Variants in ARHGEF6 observed in about 807,000 individuals in gnomAD.
ARHGEF6 encodes the protein Rac/Cdc42 guanine nucleotide exchange factor 6, also known as rho guanine nucleotide exchange factor 6.
ARHGEF6 carries 9 observed loss-of-function variants against 70.3 expected under a neutral mutation model. The observed-to-expected ratio is 0.13, with a 90% CI of 0.08 to 0.22. The LOEUF is 0.22. Among genes scored for constraint, ARHGEF6 ranks in the 10% least tolerant of loss-of-function variants. ARHGEF6 has a pLI of 1.00. For synonymous variants in ARHGEF6, 201 were observed against 207.8 expected (o/e 0.97, Z 0.28); for missense variants, 470 against 563.0 (o/e 0.83, Z 1.67).
intron 11 of ARHGEF6, among the ~76,000 whole-genome samples, chrX:136,686,134 A>G (rs2076383393): frequency 8.9e-6 from 1 of 112,435 alleles, no homozygotes; most frequent in Non-Finnish European, 1.9e-5. Flanking sequence ...GCCAAATCAC[A>G]CTGACCAGAG....
intron 9 of ARHGEF6, among the ~76,000 whole-genome samples, chrX:136,704,234 G>A (rs967386684): frequency 8.9e-6 from 1 of 112,027 alleles, no homozygotes; most frequent in African/African-American, 3.2e-5. Context: ...TTTTTAGAGG[G>A]GAGTAATAAA....
chrX:136,752,141 G>T (rs1241119327), intron 2 of ARHGEF6, among the ~76,000 whole-genome samples: 1 of 112,440 alleles, frequency 8.9e-6, no homozygotes, highest in African/African-American at 3.2e-5. Flanking sequence ...GTCAATACAA[G>T]TAGCATCTGT....
intron 2 of ARHGEF6, among the ~76,000 whole-genome samples, chrX:136,765,551 A>C (rs966761075): frequency 8.9e-6 from 1 of 112,535 alleles, no homozygotes; most frequent in Non-Finnish European, 1.9e-5. Context: ...GAACAGCGCC[A>C]GCCCTGCACA....
chrX:136,685,551 G>T lies in ARHGEF6; in HGVS notation c.1392+126C>A, dbSNP rs780898716. 3 of 780,630 alleles carry T rather than the reference G, an allele frequency of 3.8e-6. No homozygotes were observed. In the South Asian group the frequency reaches 7.2e-5, roughly 19 times the overall value. 64.3% of individuals were successfully genotyped at this position (780,630 alleles called of 1,213,427 possible). On this transcript the variant is annotated intron_variant, in intron 12 of 21. Coordinates refer to ENST00000250617, the MANE Select transcript of ARHGEF6 (RefSeq NM_004840.3). ...GAACCCAGGAGGCAGAGGTTGCAGT[G>T]AGCCAAGATGGCACCACTGCACTCC...
chrX:136,736,618 G>GGTGTGTGT (rs1556295145), intron 5 of ARHGEF6, among the ~76,000 whole-genome samples: 2 of 103,708 alleles, frequency 1.9e-5, no homozygotes, highest in African/African-American at 3.5e-5. Flanking sequence ...GTTAAAAAGA[G>GGTGTGTGT]GTGTGTGTGT....
rs193074534 is a variant in ARHGEF6 at position 136,759,274 on chromosome X, T to C, written c.250-11682A>G. Among the ~76,000 whole-genome samples the C allele has an allele frequency of 3.6e-5, 4 of 112,164 alleles. No homozygotes were observed. The East Asian group carries it at 1.1e-3, about 31-fold the overall frequency. ...GCTGGAGACCTCCTCATGAAGAACATACAAATTAGTGTTCAGGCCTGCTTC... is the reference window on the plus strand; with the variant it reads ...GCTGGAGACCTCCTCATGAAGAACACACAAATTAGTGTTCAGGCCTGCTTC... On this transcript the variant is annotated intron_variant, in intron 2 of 21. Coordinates refer to ENST00000250617, the MANE Select transcript of ARHGEF6 (RefSeq NM_004840.3).
At position 136,667,107 on chromosome X, in the gene ARHGEF6, T is replaced by A. The variant is rs972633425; in HGVS notation, c.*922A>T. 8.9e-6 allele frequency: 1 copy of A among 112,661 alleles called. No homozygotes were observed. The highest frequency in any genetic ancestry group is 1.9e-5 in the Non-Finnish European group (1 of 53,320). The allele number at this position is 112,661 out of a possible 1,213,427, so 9.3% of individuals were successfully genotyped here. ...TCCTCACAGTCTAACTACATTTTTT[T>A]AAAAAGTAAGCAAAGCACATACATA... On this transcript the variant is annotated 3_prime_UTR_variant, in exon 22 of 22. Coordinates refer to ENST00000250617, the MANE Select transcript of ARHGEF6 (RefSeq NM_004840.3).
chrX:136,679,525 G>C lies in ARHGEF6; in HGVS notation c.1830+10C>G. 8.3e-7 allele frequency: 1 copy of C among 1,210,456 alleles called. No individual in the cohort carries two copies. The highest frequency in any genetic ancestry group is 1.7e-5 in the African/African-American group (1 of 57,826). On this transcript the variant is annotated intron_variant, in intron 16 of 21. Transcript: ENST00000250617. ...TCAGAAGCATTTTATACCATAGGTA[G>C]CAAAATTACCTCTTTATAACCTAGT... is the stretch of plus-strand genomic sequence containing the variant.
chrX:136,675,675 C>A (rs1267333623), intron 18 of ARHGEF6, among the ~76,000 whole-genome samples: 4 of 109,781 alleles, frequency 3.6e-5, no homozygotes, highest in Admixed American at 2.9e-4. Flanking sequence ...GCCACCACAC[C>A]CGGCTAATTT....
In ARHGEF6 at chrX:136,727,415, T is replaced by TCTCTCTCTCTC. The variant is rs1569411130; in HGVS notation, c.732+4686_732+4687insGAGAGAGAGAG. ...TTTCTTTCTCTCTCTCTCTCTCTCTTTCTTTCTTTCTTTCCTTCTTTCTTT... is the reference window on the plus strand; with the variant it reads ...TTTCTTTCTCTCTCTCTCTCTCTCTTCTCTCTCTCTCTCTTTCTTTCTTTCCTTCTTTCTTT... On this transcript the variant is annotated intron_variant, in intron 6 of 21. Coordinates refer to ENST00000250617, the MANE Select transcript of ARHGEF6 (RefSeq NM_004840.3). Among the ~76,000 whole-genome samples the TCTCTCTCTCTC allele has an allele frequency of 1.7e-4, 13 of 78,709 alleles. 1 individual carries two copies. In the Admixed American group the frequency reaches 2.4e-3, roughly 14 times the overall value. 68.3% of individuals were successfully genotyped at this position (78,709 alleles called of 115,157 possible). A position where few individuals can be genotyped will look rare whatever the true frequency, so the allele number is the denominator to read the frequency against.
rs112125350 is a variant in ARHGEF6 at position 136,707,038 on chromosome X, C to T, written c.924-8G>A. Reference sequence around the variant, plus strand: ...TGCTGGTTTTCTGGAAACCTGTAAACAAAATGGACAAAACACAGAATGTAA... The same window carrying T: ...TGCTGGTTTTCTGGAAACCTGTAAATAAAATGGACAAAACACAGAATGTAA... On this transcript the variant is annotated splice_polypyrimidine_tract_variant and splice_region_variant and intron_variant, in intron 8 of 21. Coordinates refer to ENST00000250617, the MANE Select transcript of ARHGEF6 (RefSeq NM_004840.3). 2.6e-5 allele frequency: 31 copies of T among 1,208,112 alleles called. No individual in the cohort carries two copies. In the African/African-American group the frequency reaches 4.2e-4, roughly 16 times the overall value.
chrX:136,710,221 T>C (rs2076669994), intron 7 of ARHGEF6, among the ~76,000 whole-genome samples: 1 of 106,005 alleles, frequency 9.4e-6, no homozygotes, highest in African/African-American at 3.4e-5. Context: ...GGAGAATCGC[T>C]TGAACCTGGG....
chrX:136,776,270 AC>A lies in ARHGEF6; in HGVS notation c.249+3143del, dbSNP rs754662544. 3.6e-5 allele frequency among the ~76,000 whole-genome samples: 4 copies of A among 112,187 alleles called. No homozygotes were observed. The South Asian group carries it at 1.5e-3, about 41-fold the overall frequency. On this transcript the variant is annotated intron_variant, in intron 2 of 21. Transcript: ENST00000250617. ...CAAAAAGAACAAATCTAGAGGCATCACATTACCCGACTTCAAACTATACTAC... is the reference window on the plus strand; with the variant it reads ...CAAAAAGAACAAATCTAGAGGCATCAATTACCCGACTTCAAACTATACTAC...
In ARHGEF6 at chrX:136,700,887, A is replaced by G. The variant is rs138755926; in HGVS notation, c.1046+6021T>C. Among the ~76,000 whole-genome samples, 757 of 112,513 alleles carry G rather than the reference A, an allele frequency of 6.7e-3. 9 individuals carry two copies. Among genetic ancestry groups the G allele is most frequent in the African/African-American group, 0.023 (723 of 31,000 alleles). ...AAGGTTCTAACAGATAAAGATAGAC[A>G]ACATGTAATAAAAGATGGGTAATGT... is the stretch of plus-strand genomic sequence containing the variant. On this transcript the variant is annotated intron_variant, in intron 9 of 21. Coordinates refer to ENST00000250617, the MANE Select transcript of ARHGEF6 (RefSeq NM_004840.3).
At chrX:136,758,068 T>TTTTTTTTTTGA in intron 2 of ARHGEF6, among the ~76,000 whole-genome samples, 1 of 88,332 alleles carries the variant, frequency 1.1e-5, no homozygotes, top group Non-Finnish European at 2.2e-5. Context: ...TTTTTTTTTT[T>TTTTTTTTTTGA]GGGACGGAGT....
intron 5 of ARHGEF6, among the ~76,000 whole-genome samples, chrX:136,734,046 G>C (rs1159175132): frequency 8.9e-6 from 1 of 112,167 alleles, no homozygotes; most frequent in Non-Finnish European, 1.9e-5. Context: ...TTCTTTTCAG[G>C]GAAGATTTCA....
chrX:136,686,625 C>CATATAT (rs796276387), intron 11 of ARHGEF6, among the ~76,000 whole-genome samples: 9 of 54,986 alleles, frequency 1.6e-4, no homozygotes, highest in African/African-American at 4.8e-4. Flanking sequence ...TATATATACA[C>CATATAT]ATATATATAT....
At position 136,713,578 on chromosome X, in the gene ARHGEF6, A is replaced by T. The variant is rs1185656674; in HGVS notation, c.733-208T>A. On this transcript the variant is annotated intron_variant, in intron 6 of 21. Coordinates refer to ENST00000250617, the MANE Select transcript of ARHGEF6 (RefSeq NM_004840.3). ...GCATGACAACTGGTTATATTGCACA[A>T]TTCATATGAATACAATTTTTCAGTT... Among the ~76,000 whole-genome samples, 7 of 112,214 alleles carry T rather than the reference A, an allele frequency of 6.2e-5. No individual in the cohort carries two copies. The East Asian group carries it at 1.9e-3, about 31-fold the overall frequency.
At position 136,667,814 on chromosome X, in the gene ARHGEF6, C is replaced by G. The variant is rs939390728; in HGVS notation, c.*215G>C. 4.4e-6 allele frequency: 2 copies of G among 452,391 alleles called. No homozygotes were observed. The highest frequency in any genetic ancestry group is 8.2e-5 in the Admixed American group (2 of 24,395). 37.3% of individuals were successfully genotyped at this position (452,391 alleles called of 1,213,427 possible). ...CCTGTTGAAAAAAAAAATGAACAAC[C>G]AACCAATAACCAAACAACAGCAAAT... On this transcript the variant is annotated 3_prime_UTR_variant, in exon 22 of 22. Coordinates refer to ENST00000250617, the MANE Select transcript of ARHGEF6 (RefSeq NM_004840.3).
Sources: gnomAD v4.1 joint callset for allele counts (sites outside exome capture counted in the v4.1 genomes callset) on GRCh38, gnomAD v4.1.1 for gene constraint, MANE v1.5 for transcripts, NCBI Gene and HGNC (gene_info 2026-07-23, HGNC 2026-07-21) for gene names.